KCNH1: variants seen among roughly 807,000 people sequenced by gnomAD.
KCNH1 encodes potassium voltage-gated channel subfamily H member 1, also known as voltage-gated delayed rectifier potassium channel KCNH1.
A neutral mutation model predicts 69.2 loss-of-function variants in KCNH1; 27 were observed. The ratio of observed to expected loss-of-function variants is 0.39; its 90% CI spans 0.29 to 0.54. KCNH1 has a LOEUF of 0.54. Ranked by LOEUF, KCNH1 falls within the 20% of genes least tolerant of loss-of-function variation. The probability of loss-of-function intolerance (pLI) is 0.68; values close to 1 mark genes in which losing one functional copy is unlikely to be tolerated. For synonymous variants in KCNH1, 456 were observed against 487.7 expected (o/e 0.93, Z 0.86); for missense variants, 798 against 1,261.6 (o/e 0.63, Z 5.57).
intron 5 of KCNH1, 29 bp downstream of exon 5, chr1:211,082,751 C>A (rs377264642): frequency 4.4e-6 from 7 of 1,573,102 alleles, no homozygotes; most frequent in Non-Finnish European, 6.1e-6. Flanking sequence ...AAAAGTGAGG[C>A]TCAAGATGAG....
In KCNH1 at chr1:210,804,081, G is replaced by A; in HGVS notation, c.1548C>T (p.Leu516=). The A allele has an allele frequency of 6.2e-7, 1 of 1,614,148 alleles. No homozygotes were observed. The highest frequency in any genetic ancestry group is 8.5e-7 in the Non-Finnish European group (1 of 1,180,012). The change falls in exon 8 of 11, where the codon CTC becomes CTT. Residue 516 remains leucine (L), a synonymous_variant. Transcript: ENST00000271751. The part of the protein sequence containing the change: ...YANTNRYHEM[L]NSVRDFLKLY... ...GCTTCAGGAAGTCCCGAACACTGTT[G>A]AGCATCTCATGGTATCTGTTGGTGT... is the stretch of plus-strand genomic sequence containing the variant.
chr1:210,779,027 G>A (rs182309156), intron 9 of KCNH1, among the ~76,000 whole-genome samples: 2 of 152,278 alleles, frequency 1.3e-5, no homozygotes, highest in African/African-American at 4.8e-5. Context: ...CAACCATATT[G>A]TGGTCGGAAT....
chr1:210,986,150 A>C (rs1252085570), intron 6 of KCNH1, among the ~76,000 whole-genome samples: 3 of 152,054 alleles, frequency 2.0e-5, no homozygotes, highest in Non-Finnish European at 1.5e-5. Flanking sequence ...ATCTTCCTCC[A>C]TCCCTTTATT....
intron 7 of KCNH1, among the ~76,000 whole-genome samples, chr1:210,817,598 T>G (rs1211817324): frequency 6.6e-6 from 1 of 152,164 alleles, no homozygotes; most frequent in African/African-American, 2.4e-5. Flanking sequence ...CAAATGCCTC[T>G]CTAAACAATA....
Position 211,087,606 on chromosome 1 carries a change from TACACACACACACACACACAC to T in KCNH1, c.439+2936_439+2955del, listed in dbSNP as rs59377189. 3.5e-5 allele frequency among the ~76,000 whole-genome samples: 5 copies of T among 142,772 alleles called. No individual in the cohort carries two copies. In the East Asian group the frequency reaches 1.1e-3, roughly 30 times the overall value. The allele number at this position is 142,772 out of a possible 152,430, so 93.7% of individuals were successfully genotyped here. On this transcript the variant is annotated intron_variant, in intron 4 of 10. Coordinates refer to ENST00000271751, the MANE Select transcript of KCNH1 (RefSeq NM_172362.3). Reference sequence around the variant, plus strand: ...TACTCTCTCATTCAGCCTTTAAGCATACACACACACACACACACACACACACACACACGCACACACACACA... The same window carrying T: ...TACTCTCTCATTCAGCCTTTAAGCATACACACACACACGCACACACACACA...
At chr1:210,726,816 T>TG (rs111681585) in intron 10 of KCNH1, among the ~76,000 whole-genome samples, 1 of 140,480 alleles carries the variant, frequency 7.1e-6, no homozygotes, top group African/African-American at 2.8e-5. Flanking sequence ...CCGGCGGGGG[T>TG]GGGGTGGACT....
At chr1:211,009,091 G>A (rs967970436) in intron 6 of KCNH1, among the ~76,000 whole-genome samples, 1 of 152,156 alleles carries the variant, frequency 6.6e-6, no homozygotes, top group African/African-American at 2.4e-5. Context: ...ACAGAATAAG[G>A]CAGCCAAGGA....
intron 7 of KCNH1, among the ~76,000 whole-genome samples, chr1:210,856,877 C>CTATATATATATATATATATA (rs150446990): frequency 8.7e-4 from 88 of 101,694 alleles, no homozygotes; most frequent in African/African-American, 1.3e-3. Flanking sequence ...ATATAACCCA[C>CTATATATATATATATATATA]TATATATATA....
chr1:211,032,219 T>C (rs992107911), intron 5 of KCNH1, among the ~76,000 whole-genome samples: 4 of 152,264 alleles, frequency 2.6e-5, no homozygotes, highest in Admixed American at 6.5e-5. Flanking sequence ...GTGAAGGACC[T>C]CTTCAAGGAG....
At chr1:210,733,166 T>G (rs1682786623) in intron 10 of KCNH1, among the ~76,000 whole-genome samples, 1 of 152,224 alleles carries the variant, frequency 6.6e-6, no homozygotes, top group African/African-American at 2.4e-5. Flanking sequence ...TATTTTTTTT[T>G]CTTTCTTACT....
chr1:210,842,574 T>C (rs1685433648), intron 7 of KCNH1, among the ~76,000 whole-genome samples: 1 of 152,198 alleles, frequency 6.6e-6, no homozygotes, highest in South Asian at 2.1e-4. Context: ...AATCATGGCA[T>C]AACATTTATT....
At chr1:211,068,471 C>T (rs1690573906) in intron 5 of KCNH1, among the ~76,000 whole-genome samples, 1 of 152,170 alleles carries the variant, frequency 6.6e-6, no homozygotes, top group Non-Finnish European at 1.5e-5. Context: ...TCTTGGCTCA[C>T]TGCAACCTCC....
chr1:211,095,699 T>G (rs935968138), intron 3 of KCNH1, among the ~76,000 whole-genome samples: 1 of 152,200 alleles, frequency 6.6e-6, no homozygotes, highest in Non-Finnish European at 1.5e-5. Context: ...GATTGGCTTT[T>G]GGGAAGGGTT....
chr1:210,961,618 A>G (rs1688296005), intron 6 of KCNH1, among the ~76,000 whole-genome samples: 1 of 152,128 alleles, frequency 6.6e-6, no homozygotes, highest in Non-Finnish European at 1.5e-5. Context: ...AGGCGGGTGG[A>G]TCACCTGAGG....
chr1:210,694,312 G>GCACACTTATCTCCTCTTACCAGCTA (rs1442229081), intron 10 of KCNH1, among the ~76,000 whole-genome samples: 2 of 152,064 alleles, frequency 1.3e-5, no homozygotes, highest in Non-Finnish European at 2.9e-5. Context: ...TGTACCAGCT[G>GCACACTTATCTCCTCTTACCAGCTA]CACACTTATC....
chr1:210,689,280 C>G (rs1681477301), intron 10 of KCNH1, among the ~76,000 whole-genome samples: 1 of 152,220 alleles, frequency 6.6e-6, no homozygotes, highest in Non-Finnish European at 1.5e-5. Flanking sequence ...AGTCGACCAC[C>G]TCTTCTGGGT....
chr1:210,995,098 A>G lies in KCNH1; in HGVS notation c.1032+23685T>C, dbSNP rs189981160. On this transcript the variant is annotated intron_variant, in intron 6 of 10. Coordinates refer to ENST00000271751, the MANE Select transcript of KCNH1 (RefSeq NM_172362.3). ...TTGGTGGGGCACCATCTACCAAGCT[A>G]AGAACTATATTCCTTCCATTCTCTT... 3.3e-5 allele frequency among the ~76,000 whole-genome samples: 5 copies of G among 152,320 alleles called. No homozygotes were observed. The East Asian group carries it at 9.7e-4, about 29-fold the overall frequency.
At chr1:210,974,338 T>A (rs769185018) in intron 6 of KCNH1, among the ~76,000 whole-genome samples, 10 of 152,144 alleles carry the variant, frequency 6.6e-5, no homozygotes, top group Non-Finnish European at 1.0e-4. Flanking sequence ...ATTAATTATT[T>A]GATATTAAAA....
chr1:211,061,212 A>T (rs1690427465), intron 5 of KCNH1, among the ~76,000 whole-genome samples: 1 of 152,152 alleles, frequency 6.6e-6, no homozygotes. Flanking sequence ...AAAAACATAC[A>T]ATCATTTCAA....
Sources: gnomAD v4.1 joint callset for allele counts (sites outside exome capture counted in the v4.1 genomes callset) on GRCh38, gnomAD v4.1.1 for gene constraint, MANE v1.5 for transcripts, NCBI Gene and HGNC (gene_info 2026-07-23, HGNC 2026-07-21) for gene names.